Variants in TNIP3 observed in about 807,000 individuals in gnomAD.
TNIP3 encodes the protein TNFAIP3 interacting protein 3, also known as TNFAIP3-interacting protein 3.
In TNIP3, 34 loss-of-function variants were observed where a neutral mutation model predicts 54.1. That is an observed-to-expected ratio of 0.63 (90% confidence interval 0.48 to 0.84). The LOEUF is 0.84. Ranked by LOEUF, TNIP3 falls within the 40% of genes least tolerant of loss-of-function variation. The pLI, the probability that TNIP3 is intolerant of heterozygous loss-of-function variation, is 0.00. For missense variants in TNIP3, 366 were observed against 387.6 expected (o/e 0.94, Z 0.47); for synonymous variants, 134 against 136.8 (o/e 0.98, Z 0.14).
In TNIP3 at chr4:121,174,587, C is replaced by T. The variant is rs1338915410; in HGVS notation, c.189+8089G>A. On this transcript the variant is annotated intron_variant, in intron 3 of 12. Transcript: ENST00000507879. ...TCAAAAAAATCTCCCAATATGCTAG[C>T]CTAAAAAATTGCAAACATTTGCTAA... is the stretch of plus-strand genomic sequence containing the variant. 2.0e-5 allele frequency among the ~76,000 whole-genome samples: 3 copies of T among 151,892 alleles called. No homozygotes were observed. The East Asian group carries it at 5.8e-4, about 29-fold the overall frequency.
rs568771389 is a variant in TNIP3, at chr4:121,215,649, ACTT to A, written c.68+763_68+765del. Among the ~76,000 whole-genome samples, 13 of 152,042 alleles carry A rather than the reference ACTT, an allele frequency of 8.6e-5. No individual in the cohort carries two copies. The South Asian group carries it at 1.2e-3, about 15-fold the overall frequency. On this transcript the variant is annotated intron_variant, in intron 2 of 12. Transcript: ENST00000507879. The stretch of plus-strand genomic sequence containing the variant: ...TCTTTACCAGAAATTAGGTTAAAGC[ACTT>A]CTTCGTGTATTTCTATCCCACTCTC...
intron 3 of TNIP3, among the ~76,000 whole-genome samples, chr4:121,174,954 G>C (rs796070139): frequency 6.6e-6 from 1 of 152,174 alleles, no homozygotes; most frequent in South Asian, 2.1e-4. Flanking sequence ...TGAGAAAGAA[G>C]GCTTATTGAT....
At chr4:121,216,757 G>T, upstream of TNIP3, 2 of 609,454 alleles carry the variant, frequency 3.3e-6, no homozygotes, top group Non-Finnish European at 5.0e-6. Flanking sequence ...TCTCATGACA[G>T]GGAGAAATTG....
intron 3 of TNIP3, among the ~76,000 whole-genome samples, chr4:121,172,605 C>T (rs1472509607): frequency 6.6e-6 from 1 of 152,152 alleles, no homozygotes; most frequent in African/African-American, 2.4e-5. Context: ...TTGTCTCATA[C>T]AATATTCTGC....
At chr4:121,146,330 C>T (rs1219731954) in intron 7 of TNIP3, among the ~76,000 whole-genome samples, 1 of 152,126 alleles carries the variant, frequency 6.6e-6, no homozygotes, top group Non-Finnish European at 1.5e-5. Context: ...GCTGCCACAG[C>T]ATTCTCATAA....
At chr4:121,148,652 T>C (rs1036151019) in intron 6 of TNIP3, among the ~76,000 whole-genome samples, 3 of 152,256 alleles carry the variant, frequency 2.0e-5, no homozygotes, top group East Asian at 3.8e-4. Flanking sequence ...CTGAATGTAA[T>C]GAAGCAGATT....
At chr4:121,202,626 C>T (rs1332751757) in intron 2 of TNIP3, among the ~76,000 whole-genome samples, 1 of 152,106 alleles carries the variant, frequency 6.6e-6, no homozygotes, top group African/African-American at 2.4e-5. Context: ...AAGAAATAAT[C>T]AGCAGAGTAA....
chr4:121,180,139 G>A (rs745427073), intron 3 of TNIP3, among the ~76,000 whole-genome samples: 3 of 152,116 alleles, frequency 2.0e-5, no homozygotes, highest in African/African-American at 2.4e-5. Flanking sequence ...GGTGGCTCAC[G>A]CCTGTAATCC....
intron 10 of TNIP3, among the ~76,000 whole-genome samples, chr4:121,135,788 C>T (rs561365556): frequency 1.3e-5 from 2 of 152,244 alleles, no homozygotes; most frequent in East Asian, 1.9e-4. Flanking sequence ...TTAAAAGGAC[C>T]GTTTTAATTA....
chr4:121,221,466 T>C (rs1307314161), upstream of TNIP3, among the ~76,000 whole-genome samples: 2 of 152,230 alleles, frequency 1.3e-5, no homozygotes, highest in African/African-American at 4.8e-5. Flanking sequence ...AGATAATTTC[T>C]ATGCAAAATG....
chr4:121,168,415 G>A (rs1283642825), upstream of TNIP3, among the ~76,000 whole-genome samples: 1 of 151,902 alleles, frequency 6.6e-6, no homozygotes, highest in Non-Finnish European at 1.5e-5. Context: ...TGGCCAGGCT[G>A]TTCTCGAACT....
At chr4:121,197,720 C>T (rs534147962) in intron 2 of TNIP3, among the ~76,000 whole-genome samples, 5 of 152,188 alleles carry the variant, frequency 3.3e-5, no homozygotes, top group Admixed American at 6.5e-5. Flanking sequence ...CCCAAGAATT[C>T]TGAAGCAATT....
chr4:121,203,907 G>GTA (rs36026700), intron 2 of TNIP3, among the ~76,000 whole-genome samples: 5,368 of 147,492 alleles, frequency 0.036, 318 homozygotes, highest in African/African-American at 0.12. Flanking sequence ...ATATATGTGT[G>GTA]TATATATATA....
intron 2 of TNIP3, among the ~76,000 whole-genome samples, chr4:121,215,777 G>T (rs1273424978): frequency 6.6e-6 from 1 of 151,646 alleles, no homozygotes; most frequent in Non-Finnish European, 1.5e-5. Context: ...CATCTGCATG[G>T]CTTTTCACTT....
upstream of TNIP3, among the ~76,000 whole-genome samples, chr4:121,164,638 T>C (rs1419177421): frequency 6.6e-6 from 1 of 152,222 alleles, no homozygotes; most frequent in African/African-American, 2.4e-5. Flanking sequence ...TTTCTGGCAA[T>C]ACCTTCTAAA....
intron 2 of TNIP3, among the ~76,000 whole-genome samples, chr4:121,193,137 A>T (rs1725388351): frequency 6.6e-6 from 1 of 152,208 alleles, no homozygotes; most frequent in Non-Finnish European, 1.5e-5. Context: ...GTCTGACAAA[A>T]AGTGGCTTCT....
Position 121,132,312 on chromosome 4 carries a change from A to G in TNIP3, c.*319T>C. 1 of 315,422 alleles carries G rather than the reference A, an allele frequency of 3.2e-6. No homozygotes were observed. The highest frequency in any genetic ancestry group is 5.8e-5 in the East Asian group (1 of 17,120). The allele number at this position is 315,422 out of a possible 1,614,324, so 19.5% of individuals were successfully genotyped here. A position where few individuals can be genotyped will look rare whatever the true frequency, so the allele number is the denominator to read the frequency against. ...GCAAACACTGAGTTGCCTAAATCAT[A>G]GAATCATTTTTGTGCATCCAACAGC... On this transcript the variant is annotated 3_prime_UTR_variant, in exon 11 of 11. Coordinates refer to ENST00000057513, the MANE Select transcript of TNIP3 (RefSeq NM_024873.6).
At chr4:121,194,169 C>T (rs1282646749) in intron 2 of TNIP3, among the ~76,000 whole-genome samples, 2 of 151,968 alleles carry the variant, frequency 1.3e-5, no homozygotes, top group East Asian at 1.9e-4. Context: ...TTTAAGGATA[C>T]GCATACTAAA....
chr4:121,212,846 G>T (rs1403744447), intron 2 of TNIP3, among the ~76,000 whole-genome samples: 2 of 152,034 alleles, frequency 1.3e-5, no homozygotes, highest in East Asian at 3.9e-4. Flanking sequence ...AAATAAAGAG[G>T]CCAAAAGAAT....
Sources: gnomAD v4.1 joint callset for allele counts (sites outside exome capture counted in the v4.1 genomes callset) on GRCh38, gnomAD v4.1.1 for gene constraint, MANE v1.5 for transcripts, NCBI Gene and HGNC (gene_info 2026-07-23, HGNC 2026-07-21) for gene names.